Variants in FGFR2 observed in about 807,000 individuals in gnomAD.
FGFR2 encodes BEK fibroblast growth factor receptor.
A neutral mutation model predicts 95.9 loss-of-function variants in FGFR2; 19 were observed. The observed-to-expected ratio is 0.20, with a 90% confidence interval of 0.14 to 0.29. The LOEUF (loss-of-function observed/expected upper bound fraction) is 0.29. FGFR2 is among the 10% of genes least tolerant of loss of function. FGFR2 has a pLI of 1.00. For missense variants in FGFR2, 707 were observed against 1,056.9 expected, an observed-to-expected ratio of 0.67 and a Z score of 4.59; for synonymous variants, 392 against 393.3, an observed-to-expected ratio of 1.00 and a Z score of 0.04.
chr10:121,593,043 T>C (rs767764219), intron 2 of FGFR2, among the ~76,000 whole-genome samples: 3 of 152,156 alleles, frequency 2.0e-5, no homozygotes, highest in Non-Finnish European at 2.9e-5. Flanking sequence ...GAAAATTAAA[T>C]TTCCAAAGCT....
At chr10:121,537,511 A>G (rs1209486685) in intron 6 of FGFR2, among the ~76,000 whole-genome samples, 1 of 152,160 alleles carries the variant, frequency 6.6e-6, no homozygotes. Context: ...TCCCTCTTCA[A>G]AGATGTTTTA....
chr10:121,552,653 T>A (rs1855565376), intron 4 of FGFR2, among the ~76,000 whole-genome samples: 1 of 152,238 alleles, frequency 6.6e-6, no homozygotes, highest in Non-Finnish European at 1.5e-5. Context: ...TGTTTAAGGC[T>A]GAAGTCCGGG....
intron 13 of FGFR2, among the ~76,000 whole-genome samples, chr10:121,493,701 C>G (rs921918066): frequency 6.6e-6 from 1 of 152,222 alleles, no homozygotes; most frequent in Admixed American, 6.5e-5. Flanking sequence ...ATGGCTTGAA[C>G]TCACAGCTCC....
chr10:121,564,676 A>C, intron 3 of FGFR2, 97 bp from the exon 4 acceptor site: 4 of 1,037,726 alleles, frequency 3.9e-6, no homozygotes, highest in Middle Eastern at 2.0e-4. Flanking sequence ...CAAAGTCAAC[A>C]ACCCAGGAAC....
chr10:121,524,202 T>C (rs1319427113), intron 6 of FGFR2, among the ~76,000 whole-genome samples: 3 of 151,188 alleles, frequency 2.0e-5, no homozygotes, highest in Non-Finnish European at 4.4e-5. Flanking sequence ...GCATACCAAA[T>C]GTTACACGCT....
At chr10:121,584,933 G>A (rs111778184) in intron 2 of FGFR2, among the ~76,000 whole-genome samples, 6,514 of 44,484 alleles carry the variant, frequency 0.15, 82 homozygotes, top group African/African-American at 0.3. Flanking sequence ...TCTCCATCCC[G>A]CACCACCCCA....
At chr10:121,571,166 T>G (rs544727953) in intron 2 of FGFR2, among the ~76,000 whole-genome samples, 2 of 151,200 alleles carry the variant, frequency 1.3e-5, no homozygotes, top group South Asian at 4.2e-4. Context: ...TTTTTGGTAT[T>G]TTTTTTAGTA....
In FGFR2 at chr10:121,483,701, A is replaced by G. The variant is rs1358965209; in HGVS notation, c.2298T>C (p.Asn766=). The change falls in exon 17 of 18, where the codon AAT becomes AAC. Residue 766 remains asparagine, a synonymous_variant. Transcript: ENST00000358487. ...DLDRILTLTT[N]EEYLDLSQPL... ...GCTTCTAGAAGGAAGTTCTTACCTC[A>G]TTGGTTGTGAGAGTGAGAATTCGAT... The G allele has an allele frequency of 4.3e-6, 7 of 1,612,718 alleles. No homozygotes were observed. Among genetic ancestry groups the G allele is most frequent in the Non-Finnish European group, 5.9e-6 (7 of 1,178,988 alleles).
chr10:121,480,465 G>A lies in FGFR2; in HGVS notation c.2302-444C>T, dbSNP rs1410285390. On this transcript the variant is annotated intron_variant, in intron 17 of 17. Coordinates refer to ENST00000358487, the MANE Select transcript of FGFR2 (RefSeq NM_000141.5). ...TGCGAGCCCCAGCAAAATGAAAACC[G>A]GTAACATGTTGTGGGTCCCCAGACC... is the stretch of plus-strand genomic sequence containing the variant. 6.4e-5 allele frequency: 18 copies of A among 279,880 alleles called. No individual in the cohort carries two copies. In the South Asian group the frequency reaches 1.1e-3, roughly 17 times the overall value. The allele number at this position is 279,880 out of a possible 1,614,324, so 17.3% of individuals were successfully genotyped here.
At chr10:121,593,296 T>C (rs570291229) in intron 2 of FGFR2, among the ~76,000 whole-genome samples, 1 of 152,362 alleles carries the variant, frequency 6.6e-6, no homozygotes, top group African/African-American at 2.4e-5. Flanking sequence ...GCATTTCAGA[T>C]GTTGGCAATT....
intron 2 of FGFR2, among the ~76,000 whole-genome samples, chr10:121,580,639 G>A (rs1376093578): frequency 6.6e-6 from 1 of 152,124 alleles, no homozygotes. Context: ...AAGGCAGGTC[G>A]GAGCCACAGG....
chr10:121,538,524 A>G (rs1299676290), intron 6 of FGFR2, 68 bp downstream of exon 6: 4 of 1,607,806 alleles, frequency 2.5e-6, no homozygotes, highest in East Asian at 2.2e-5. Context: ...CTTAACGTTC[A>G]TGCTTTCAAA....
At chr10:121,529,981 G>A (rs922894755) in intron 6 of FGFR2, among the ~76,000 whole-genome samples, 18 of 152,028 alleles carry the variant, frequency 1.2e-4, no homozygotes, top group Non-Finnish European at 1.3e-4. Flanking sequence ...TTGCCTCATC[G>A]CCTCATCTGT....
chr10:121,559,133 A>T (rs544313295), intron 4 of FGFR2, among the ~76,000 whole-genome samples: 1 of 148,666 alleles, frequency 6.7e-6, no homozygotes, highest in South Asian at 2.1e-4. Context: ...AAAAAAAAAA[A>T]CTCAAAAAAG....
At position 121,482,261 on chromosome 10, in the gene FGFR2, A is replaced by G. The variant is rs1844856106; in HGVS notation, c.2301+1437T>C. On this transcript the variant is annotated intron_variant, in intron 17 of 17. Coordinates refer to ENST00000358487, the MANE Select transcript of FGFR2 (RefSeq NM_000141.5). ...TACTAGAAACAACAATTTTGGCAGA[A>G]GAAGAAAGTTGGTTTCTTCCCCCCC... The G allele has an allele frequency of 6.6e-6, 9 of 1,364,702 alleles. No homozygotes were observed. The East Asian group carries it at 2.1e-4, about 32-fold the overall frequency. 84.5% of individuals were successfully genotyped at this position (1,364,702 alleles called of 1,614,324 possible). A position where few individuals can be genotyped will look rare whatever the true frequency, so the allele number is the denominator to read the frequency against.
chr10:121,509,951 G>A (rs955392342), intron 9 of FGFR2, among the ~76,000 whole-genome samples: 2 of 151,938 alleles, frequency 1.3e-5, no homozygotes, highest in African/African-American at 4.8e-5. Flanking sequence ...TGCCAAACAG[G>A]CCCTGTGACT....
chr10:121,587,214 T>C (rs759124672), intron 2 of FGFR2, among the ~76,000 whole-genome samples: 31 of 152,088 alleles, frequency 2.0e-4, no homozygotes, highest in Admixed American at 1.9e-3. Flanking sequence ...ATGCAGAAGA[T>C]TGAAGCTGAC....
chr10:121,511,214 T>C (rs927279648), intron 9 of FGFR2, among the ~76,000 whole-genome samples: 4 of 151,542 alleles, frequency 2.6e-5, no homozygotes. Context: ...TCTTGTACCA[T>C]GCTGACGGCA....
chr10:121,567,645 T>C (rs1857885366), intron 2 of FGFR2, among the ~76,000 whole-genome samples: 1 of 152,190 alleles, frequency 6.6e-6, no homozygotes, highest in South Asian at 2.1e-4. Context: ...CATGGCAAGG[T>C]ACGGGCACAC....
Sources: gnomAD v4.1 joint callset for allele counts (sites outside exome capture counted in the v4.1 genomes callset) on GRCh38, gnomAD v4.1.1 for gene constraint, MANE v1.5 for transcripts, NCBI Gene and HGNC (gene_info 2026-07-23, HGNC 2026-07-21) for gene names.